Variants in SHISA6 observed in about 807,000 individuals in gnomAD.
The protein encoded by SHISA6 is protein shisa-6.
Under a neutral mutation model 47.9 loss-of-function variants are expected in SHISA6, and 22 were observed. That is an observed-to-expected ratio of 0.46 (90% CI 0.33 to 0.66). The LOEUF is 0.66. Ranked by LOEUF, SHISA6 falls within the 30% of genes least tolerant of loss-of-function variation. The pLI is 0.02. For missense variants in SHISA6, 680 were observed against 764.6 expected (o/e 0.89, Z 1.30); for synonymous variants, 388 against 337.8 (o/e 1.15, Z -1.63).
At chr17:11,360,703 C>G (rs1912239423) in intron 2 of SHISA6, among the ~76,000 whole-genome samples, 4 of 151,348 alleles carry the variant, frequency 2.6e-5, no homozygotes, top group African/African-American at 7.3e-5. Flanking sequence ...ACCTAGATGA[C>G]AGGTTGATAG....
At chr17:11,350,182 A>ATTTTTTTTTTTTTTTTTTTTTT (rs778331945) in intron 2 of SHISA6, among the ~76,000 whole-genome samples, 2 of 116,240 alleles carry the variant, frequency 1.7e-5, no homozygotes, top group African/African-American at 3.3e-5. Flanking sequence ...TTATTTATTT[A>ATTTTTTTTTTTTTTTTTTTTTT]TTTTTTTTTT....
intron 2 of SHISA6, chr17:11,290,207 G>T (rs1297368631): frequency 2.8e-5 from 4 of 142,986 alleles, no homozygotes; most frequent in Admixed American, 2.2e-4. Context: ...TTGGAAATTT[G>T]TAGTTTTTGT....
chr17:11,406,636 C>T (rs1210892662), intron 3 of SHISA6, among the ~76,000 whole-genome samples: 2 of 152,196 alleles, frequency 1.3e-5, no homozygotes, highest in East Asian at 3.9e-4. Context: ...AGTGTCTTGC[C>T]AATCTCTCAA....
chr17:11,323,452 C>T (rs1030511650), intron 2 of SHISA6, among the ~76,000 whole-genome samples: 13 of 151,936 alleles, frequency 8.6e-5, no homozygotes, highest in African/African-American at 1.2e-4. Context: ...GTCGGGAGTT[C>T]GAGCCCAGCC....
At chr17:11,367,025 GGACA>G (rs1384848851) in intron 2 of SHISA6, among the ~76,000 whole-genome samples, 1 of 152,076 alleles carries the variant, frequency 6.6e-6, no homozygotes, top group African/African-American at 2.4e-5. Flanking sequence ...AAGGAGAGAT[GGACA>G]GACAGACCTA....
chr17:11,369,855 C>T (rs891187712), intron 2 of SHISA6, among the ~76,000 whole-genome samples: 1 of 152,136 alleles, frequency 6.6e-6, no homozygotes, highest in Admixed American at 6.5e-5. Flanking sequence ...ATAAATGGCG[C>T]GCTGGGGTCC....
intron 3 of SHISA6, among the ~76,000 whole-genome samples, chr17:11,382,310 C>G (rs889870405): frequency 6.6e-6 from 1 of 152,100 alleles, no homozygotes; most frequent in Non-Finnish European, 1.5e-5. Context: ...AACTCCTGGC[C>G]TCAAGTGATC....
intron 3 of SHISA6, among the ~76,000 whole-genome samples, chr17:11,437,565 A>G (rs1914974100): frequency 6.6e-6 from 1 of 152,136 alleles, no homozygotes. Flanking sequence ...TCTCTGTTCC[A>G]TGAGCATGCT....
At chr17:11,501,693 AAGACAGAGAGAGAGAG>A (rs1040894626) in intron 3 of SHISA6, among the ~76,000 whole-genome samples, 1 of 152,050 alleles carries the variant, frequency 6.6e-6, no homozygotes, top group Non-Finnish European at 1.5e-5. Context: ...GGCAACAGAG[AAGACAGAGAGAGAGAG>A]AGACAGAGAG....
chr17:11,400,534 A>G (rs1391839749), intron 3 of SHISA6, among the ~76,000 whole-genome samples: 1 of 152,038 alleles, frequency 6.6e-6, no homozygotes, highest in Non-Finnish European at 1.5e-5. Context: ...ACTCATTTCC[A>G]ATTTAATATA....
At chr17:11,506,001 G>A (rs1321708051) in intron 3 of SHISA6, among the ~76,000 whole-genome samples, 1 of 152,178 alleles carries the variant, frequency 6.6e-6, no homozygotes, top group East Asian at 1.9e-4. Context: ...TAGGAAGAGA[G>A]TTTGGTTCTT....
At chr17:11,286,880 T>C (rs73295405) in intron 2 of SHISA6, among the ~76,000 whole-genome samples, 6,507 of 152,306 alleles carry the variant, frequency 0.043, 449 homozygotes, top group African/African-American at 0.15. Flanking sequence ...ATCAGAATGA[T>C]AGAAAAGAAA....
intron 3 of SHISA6, among the ~76,000 whole-genome samples, chr17:11,534,166 T>C (rs112784893): frequency 0.013 from 1,885 of 149,508 alleles, 23 homozygotes; most frequent in Middle Eastern, 0.031. Context: ...TCTTTTTTTT[T>C]TTTTTTTTTT....
At chr17:11,475,873 T>G (rs956972495) in intron 3 of SHISA6, among the ~76,000 whole-genome samples, 1 of 152,038 alleles carries the variant, frequency 6.6e-6, no homozygotes, top group Non-Finnish European at 1.5e-5. Context: ...AATCTCTTCC[T>G]TAAATGTTTG....
intron 3 of SHISA6, among the ~76,000 whole-genome samples, chr17:11,385,311 G>T (rs1241512525): frequency 6.6e-6 from 1 of 152,100 alleles, no homozygotes; most frequent in East Asian, 1.9e-4. Flanking sequence ...TGTGTGGGGC[G>T]CAGCAATGAG....
At chr17:11,416,011 G>A (rs1468866534) in intron 3 of SHISA6, among the ~76,000 whole-genome samples, 1 of 152,130 alleles carries the variant, frequency 6.6e-6, no homozygotes, top group African/African-American at 2.4e-5. Flanking sequence ...ATCCTCACGT[G>A]GCAGAGAGAG....
intron 3 of SHISA6, among the ~76,000 whole-genome samples, chr17:11,397,965 CT>C (rs2142261603): frequency 6.6e-6 from 1 of 152,014 alleles, no homozygotes; most frequent in African/African-American, 2.4e-5. Context: ...TCAATTAATT[CT>C]TTTTAAATTT....
intron 3 of SHISA6, among the ~76,000 whole-genome samples, chr17:11,498,948 T>A (rs374855952): frequency 6.6e-6 from 1 of 152,222 alleles, no homozygotes; most frequent in African/African-American, 2.4e-5. Flanking sequence ...TTTGCTACTT[T>A]ATTGTCATTA....
chr17:11,517,056 T>C (rs1421110494), intron 3 of SHISA6, among the ~76,000 whole-genome samples: 2 of 152,132 alleles, frequency 1.3e-5, no homozygotes, highest in Non-Finnish European at 1.5e-5. Context: ...AATGAGCATA[T>C]AGATCATAAT....
Sources: allele counts gnomAD v4.1 joint callset (sites outside exome capture counted in the v4.1 genomes callset), GRCh38; gene constraint gnomAD v4.1.1; transcripts MANE v1.5; gene names NCBI Gene and HGNC (gene_info 2026-07-23, HGNC 2026-07-21).